DGKI: variants seen among roughly 807,000 people sequenced by gnomAD.
The protein encoded by DGKI is DAG kinase iota.
Under a neutral mutation model 147.5 loss-of-function variants are expected in DGKI, and 55 were observed. The observed-to-expected ratio is 0.37, with a 90% CI of 0.30 to 0.47. The LOEUF is 0.47. Ranked by LOEUF, DGKI falls within the 20% of genes least tolerant of loss-of-function variation. The probability of loss-of-function intolerance (pLI) is 1.00; values close to 1 mark genes in which losing one functional copy is unlikely to be tolerated. For missense variants in DGKI, 1,007 were observed against 1,323.8 expected, an observed-to-expected ratio of 0.76 and a Z score of 3.71; for synonymous variants, 469 against 477.1, an observed-to-expected ratio of 0.98 and a Z score of 0.22.
intron 26 of DGKI, among the ~76,000 whole-genome samples, chr7:137,464,951 A>C (rs755748512): frequency 7.2e-5 from 11 of 152,208 alleles, no homozygotes; most frequent in Non-Finnish European, 1.6e-4. Flanking sequence ...AAAGATTCTT[A>C]TCTGTTTTTA....
chr7:137,571,474 G>A (rs917356030), intron 18 of DGKI, among the ~76,000 whole-genome samples, 188 bp from the exon 19 acceptor site: 1 of 152,130 alleles, frequency 6.6e-6, no homozygotes, highest in Non-Finnish European at 1.5e-5. Context: ...CTGTGAAAAC[G>A]GGCCATAATT....
intron 1 of DGKI, among the ~76,000 whole-genome samples, chr7:137,723,817 C>A (rs564182693): frequency 1.4e-5 from 2 of 147,296 alleles, no homozygotes; most frequent in South Asian, 2.1e-4. Flanking sequence ...TCAAGTGATT[C>A]CCCTGCCTCA....
At chr7:137,745,118 A>T (rs1241479726) in intron 1 of DGKI, among the ~76,000 whole-genome samples, 3 of 152,112 alleles carry the variant, frequency 2.0e-5, no homozygotes, top group South Asian at 4.1e-4. Flanking sequence ...AAATAAAAAT[A>T]AAAAAAATGT....
rs532987542 is a variant in DGKI at position 137,420,785 on chromosome 7, G to A, written c.2762-8578C>T. 1.4e-4 allele frequency among the ~76,000 whole-genome samples: 22 copies of A among 152,252 alleles called. No homozygotes were observed. The East Asian group carries it at 2.9e-3, about 20-fold the overall frequency. ...TGTAATCCCAGCACTTTGGGAGGCCGAGGCAGGTGAATCACCTGAGGTCAG... is the reference window on the plus strand; with the variant it reads ...TGTAATCCCAGCACTTTGGGAGGCCAAGGCAGGTGAATCACCTGAGGTCAG... On this transcript the variant is annotated intron_variant, in intron 28 of 32. Transcript: ENST00000614521.
At chr7:137,425,301 AC>A (rs1812751663) in intron 28 of DGKI, among the ~76,000 whole-genome samples, 1 of 152,192 alleles carries the variant, frequency 6.6e-6, no homozygotes, top group African/African-American at 2.4e-5. Flanking sequence ...TCTGGAGTGG[AC>A]CTCTAGCAAA....
chr7:137,571,487 G>A (rs577166429), intron 18 of DGKI, among the ~76,000 whole-genome samples: 61 of 152,240 alleles, frequency 4.0e-4, no homozygotes, highest in African/African-American at 1.4e-3. Context: ...CCATAATTTT[G>A]CAACAAAAGT....
At chr7:137,672,766 C>CCTTTT (rs1374893677) in intron 3 of DGKI, among the ~76,000 whole-genome samples, 1 of 65,664 alleles carries the variant, frequency 1.5e-5, no homozygotes, top group African/African-American at 7.2e-5. Context: ...CTCTGTGTGT[C>CCTTTT]TTTTTTTTTT....
At chr7:137,554,844 A>G (rs535134485) in intron 19 of DGKI, among the ~76,000 whole-genome samples, 1 of 152,194 alleles carries the variant, frequency 6.6e-6, no homozygotes, top group East Asian at 1.9e-4. Context: ...CTTGTGTTTT[A>G]AAGACTAACA....
rs75208622 is a variant in DGKI at position 137,421,537 on chromosome 7, C to T, written c.2762-9330G>A. ...CTCCTGGCAGAAAACCTCTACCTTG[C>T]TGCCAGAGGATCAGGATGCACTCCC... is the stretch of plus-strand genomic sequence containing the variant. On this transcript the variant is annotated intron_variant, in intron 28 of 32. Coordinates refer to ENST00000614521, the MANE Select transcript of DGKI (RefSeq NM_001321708.2). Among the ~76,000 whole-genome samples the T allele has an allele frequency of 5.3e-3, 807 of 152,334 alleles. 4 individuals are homozygous for T. The highest frequency in any genetic ancestry group is 7.4e-3 in the Non-Finnish European group (505 of 68,040).
At chr7:137,438,934 G>A (rs758350130) in intron 28 of DGKI, among the ~76,000 whole-genome samples, 54 of 151,966 alleles carry the variant, frequency 3.6e-4, no homozygotes, top group Non-Finnish European at 5.9e-4. Flanking sequence ...ATATATCCAC[G>A]TATCCATTCA....
intron 20 of DGKI, among the ~76,000 whole-genome samples, chr7:137,526,004 G>C (rs1409710382): frequency 1.3e-5 from 2 of 151,950 alleles, no homozygotes; most frequent in African/African-American, 2.4e-5. Flanking sequence ...GCTAGAACAT[G>C]GGGGAGTCGG....
At chr7:137,770,356 C>T (rs1314516301) in intron 1 of DGKI, among the ~76,000 whole-genome samples, 1 of 152,044 alleles carries the variant, frequency 6.6e-6, no homozygotes, top group Admixed American at 6.6e-5. Flanking sequence ...AGGACAAATA[C>T]CTAATGCATG....
intron 3 of DGKI, among the ~76,000 whole-genome samples, chr7:137,664,377 CAAAAAAAAAAAAAA>C (rs1190186766): frequency 3.6e-5 from 2 of 56,048 alleles, no homozygotes; most frequent in Admixed American, 2.5e-4. Context: ...GACTCCATCT[CAAAAAAAAAAAAAA>C]AAAAAAAGAA....
chr7:137,537,410 C>A (rs1817555902), intron 20 of DGKI, among the ~76,000 whole-genome samples: 1 of 151,926 alleles, frequency 6.6e-6, no homozygotes, highest in African/African-American at 2.4e-5. Flanking sequence ...GCTTTTTTTC[C>A]CTTTTTAGAA....
At chr7:137,587,579 T>G (rs947780735) in intron 12 of DGKI, among the ~76,000 whole-genome samples, 1 of 152,236 alleles carries the variant, frequency 6.6e-6, no homozygotes. Context: ...TGACTCATGC[T>G]GGCTGCATAA....
Position 137,566,348 on chromosome 7 carries a change from GATT to G in DGKI, c.1947+4824_1947+4826del, listed in dbSNP as rs199748885. ...ATGTGAAATTGAAGACTGCAAATTA[GATT>G]ATTTCATCCTGAATGAAAAAAAAAT... On this transcript the variant is annotated intron_variant, in intron 19 of 32. Coordinates refer to ENST00000614521, the MANE Select transcript of DGKI (RefSeq NM_001321708.2). 2.0e-3 allele frequency among the ~76,000 whole-genome samples: 301 copies of G among 152,052 alleles called. 3 individuals are homozygous for G. The East Asian group carries it at 0.043, about 22-fold the overall frequency.
At chr7:137,832,270 T>C (rs370910296) in intron 1 of DGKI, among the ~76,000 whole-genome samples, 149 of 152,328 alleles carry the variant, frequency 9.8e-4, no homozygotes, top group African/African-American at 3.4e-3. Context: ...TAACCTCACA[T>C]TTCCCTTCTG....
At chr7:137,471,943 AC>A (rs2128929056) in intron 23 of DGKI, among the ~76,000 whole-genome samples, 1 of 136,834 alleles carries the variant, frequency 7.3e-6, no homozygotes, top group Admixed American at 7.7e-5. Context: ...TATAATATAT[AC>A]ACATGTATAT....
chr7:137,759,834 A>G (rs1795801522), intron 1 of DGKI, among the ~76,000 whole-genome samples: 1 of 151,748 alleles, frequency 6.6e-6, no homozygotes, highest in Admixed American at 6.6e-5. Flanking sequence ...TCCCTCCCTC[A>G]CACACATTTT....
Sources: allele counts gnomAD v4.1 joint callset (sites outside exome capture counted in the v4.1 genomes callset), GRCh38; gene constraint gnomAD v4.1.1; transcripts MANE v1.5; gene names NCBI Gene and HGNC (gene_info 2026-07-23, HGNC 2026-07-21).